The following RGS17 variants were observed in gnomAD, a reference collection of about 807,000 sequenced individuals.
RGS17 encodes regulator of G protein signaling 17, also known as regulator of G-protein signaling 17.
In RGS17, 12 loss-of-function variants were observed where a neutral mutation model predicts 25.5. The ratio of observed to expected loss-of-function variants is 0.47; its 90% confidence interval spans 0.30 to 0.76. RGS17 has a LOEUF of 0.76. Ranked by LOEUF, RGS17 falls within the 30% of genes least tolerant of loss-of-function variation. RGS17 has a pLI of 0.07. For missense variants in RGS17, 196 were observed against 242.2 expected, an observed-to-expected ratio of 0.81 and a Z score of 1.27; for synonymous variants, 71 against 76.9, an observed-to-expected ratio of 0.92 and a Z score of 0.40.
chr6:153,128,578 C>A (rs1184768000), intron 1 of RGS17, among the ~76,000 whole-genome samples: 1 of 152,168 alleles, frequency 6.6e-6, no homozygotes, highest in Non-Finnish European at 1.5e-5. Context: ...GAATTTTGAT[C>A]AATTCAGATT....
In RGS17 at chr6:153,024,506, C is replaced by G. The variant is rs770052550; in HGVS notation, c.210-10G>C. ...TGCAGTGGGGTTTTGGCTGCAGAGA[C>G]AGAACGGGGCCGTGATCAAAGGGAA... On this transcript the variant is annotated splice_polypyrimidine_tract_variant and intron_variant, in intron 3 of 4. Transcript: ENST00000206262. 6 of 1,593,342 alleles carry G rather than the reference C, an allele frequency of 3.8e-6. No individual in the cohort carries two copies. In the South Asian group the frequency reaches 6.6e-5, roughly 18 times the overall value.
intron 1 of RGS17, among the ~76,000 whole-genome samples, chr6:153,066,702 C>T (rs934544574): frequency 9.2e-5 from 14 of 152,106 alleles, no homozygotes; most frequent in East Asian, 5.8e-4. Flanking sequence ...ATATGCAAAT[C>T]GATCAATGTG....
chr6:153,106,486 T>C (rs1048232570), intron 1 of RGS17, among the ~76,000 whole-genome samples: 2 of 151,180 alleles, frequency 1.3e-5, no homozygotes, highest in Admixed American at 1.3e-4. Context: ...AGGCTGGCCC[T>C]TGAATGGTTT....
chr6:153,089,179 T>C (rs1359488758), intron 1 of RGS17, among the ~76,000 whole-genome samples: 1 of 151,828 alleles, frequency 6.6e-6, no homozygotes. Flanking sequence ...ATTATTGGTA[T>C]GCATGCATTA....
At chr6:153,090,866 G>T (rs1475684910) in intron 1 of RGS17, among the ~76,000 whole-genome samples, 2 of 140,264 alleles carry the variant, frequency 1.4e-5, no homozygotes, top group Non-Finnish European at 1.6e-5. Flanking sequence ...TATATATAGG[G>T]TTCTGTGGTT....
chr6:153,063,524 AAT>A (rs1431951937), intron 1 of RGS17, among the ~76,000 whole-genome samples: 2 of 152,164 alleles, frequency 1.3e-5, no homozygotes, highest in Admixed American at 1.3e-4. Flanking sequence ...GCTGTTTGGA[AAT>A]ATGCAGTCAG....
chr6:153,015,086 C>T (rs987072989), intron 4 of RGS17, among the ~76,000 whole-genome samples: 2 of 152,110 alleles, frequency 1.3e-5, no homozygotes, highest in Non-Finnish European at 2.9e-5. Context: ...GAAGTGGAGC[C>T]TGAGGATAGG....
chr6:153,033,577 G>C (rs1267035096), intron 2 of RGS17, among the ~76,000 whole-genome samples: 1 of 152,028 alleles, frequency 6.6e-6, no homozygotes, highest in Admixed American at 6.6e-5. Flanking sequence ...AATTAGTCAG[G>C]CATAGTGGCG....
At chr6:153,128,066 T>C (rs969543085) in intron 1 of RGS17, among the ~76,000 whole-genome samples, 3 of 152,174 alleles carry the variant, frequency 2.0e-5, no homozygotes. Flanking sequence ...GGAGTATCCA[T>C]CAATCTCACA....
In RGS17 at chr6:153,097,745, T is replaced by C. The variant is rs112734295; in HGVS notation, c.-26+33379A>G. On this transcript the variant is annotated intron_variant, in intron 1 of 4. Coordinates refer to ENST00000206262, the MANE Select transcript of RGS17 (RefSeq NM_012419.5). ...CTCTAGGAGGGATCTCTGAAGTGATTAGAAAGAGGAGGAAGGTTGTGAGAG... is the reference window on the plus strand; with the variant it reads ...CTCTAGGAGGGATCTCTGAAGTGATCAGAAAGAGGAGGAAGGTTGTGAGAG... Among the ~76,000 whole-genome samples the C allele has an allele frequency of 7.7e-3, 1,178 of 152,010 alleles. 13 individuals are homozygous for C. Among genetic ancestry groups the C allele is most frequent in the African/African-American group, 0.027 (1,120 of 41,434 alleles).
At chr6:153,040,149 G>A (rs1015551198) in intron 2 of RGS17, among the ~76,000 whole-genome samples, 1 of 152,086 alleles carries the variant, frequency 6.6e-6, no homozygotes, top group African/African-American at 2.4e-5. Flanking sequence ...CAAGGGCTAT[G>A]AGGAGAAAAG....
chr6:153,038,359 G>T (rs1208081067), intron 2 of RGS17, among the ~76,000 whole-genome samples: 1 of 152,168 alleles, frequency 6.6e-6, no homozygotes, highest in Non-Finnish European at 1.5e-5. Flanking sequence ...GGTTCATTTT[G>T]ATAGATGTCT....
At position 153,058,530 on chromosome 6, in the gene RGS17, G is replaced by A. The variant is rs1183167817; in HGVS notation, c.-25-14487C>T. ...ACAATCAAACTTCATTATAACCGTC[G>A]CTGTCTTGTCATGGTTGTTGAAAGC... On this transcript the variant is annotated intron_variant, in intron 1 of 4. Coordinates refer to ENST00000206262, the MANE Select transcript of RGS17 (RefSeq NM_012419.5). 7.9e-5 allele frequency among the ~76,000 whole-genome samples: 12 copies of A among 152,118 alleles called. No individual in the cohort carries two copies. In the East Asian group the frequency reaches 1.5e-3, roughly 20 times the overall value.
chr6:153,104,030 T>G (rs576404642), intron 1 of RGS17, among the ~76,000 whole-genome samples: 53 of 152,316 alleles, frequency 3.5e-4, no homozygotes, highest in African/African-American at 1.3e-3. Flanking sequence ...TATTGAAACA[T>G]GACACATTAC....
intron 4 of RGS17, among the ~76,000 whole-genome samples, chr6:153,018,055 A>G (rs1779201672): frequency 6.6e-6 from 1 of 152,080 alleles, no homozygotes; most frequent in South Asian, 2.1e-4. Flanking sequence ...TGCAAATAAG[A>G]CCAGTTGTTT....
At chr6:153,118,972 TTATG>T (rs760889323) in intron 1 of RGS17, among the ~76,000 whole-genome samples, 8 of 152,210 alleles carry the variant, frequency 5.3e-5, no homozygotes, top group Non-Finnish European at 1.2e-4. Context: ...TTATCCTATC[TTATG>T]TATGAATGTG....
chr6:153,105,191 ACT>A (rs1777361254), intron 1 of RGS17, among the ~76,000 whole-genome samples: 1 of 152,080 alleles, frequency 6.6e-6, no homozygotes. Context: ...AGGTTCAATA[ACT>A]CTGTCCTAGG....
chr6:153,084,618 A>C (rs191769194), intron 1 of RGS17, among the ~76,000 whole-genome samples: 313 of 152,326 alleles, frequency 2.1e-3, no homozygotes, highest in Non-Finnish European at 3.6e-3. Context: ...TATTTTTAAA[A>C]ATGGAAGTGA....
chr6:153,025,661 CATATATATATAAACATATATATAAACAT>C (rs1302945974), intron 3 of RGS17, among the ~76,000 whole-genome samples: 2 of 143,100 alleles, frequency 1.4e-5, no homozygotes, highest in African/African-American at 5.1e-5. Flanking sequence ...TATATAAAAA[CATATATATATAAACATATATATAAACAT>C]ATATATAAAA....
Sources: gnomAD v4.1 joint callset for allele counts (sites outside exome capture counted in the v4.1 genomes callset) on GRCh38, gnomAD v4.1.1 for gene constraint, MANE v1.5 for transcripts, NCBI Gene and HGNC (gene_info 2026-07-23, HGNC 2026-07-21) for gene names.